The following CNTNAP2 variants were observed in gnomAD, a reference collection of about 807,000 sequenced individuals.
CNTNAP2 encodes contactin-associated protein-like 2.
CNTNAP2 carries 98 observed loss-of-function variants against 155.2 expected under a neutral mutation model. That is an observed-to-expected ratio of 0.63 (90% CI 0.54 to 0.75). CNTNAP2 has a LOEUF of 0.75. Among genes scored for constraint, CNTNAP2 ranks in the 30% least tolerant of loss-of-function variants. The pLI is 0.00. For synonymous variants in CNTNAP2, 651 were observed against 631.2 expected (o/e 1.03, Z -0.47); for missense variants, 1,727 against 1,688.1 (o/e 1.02, Z -0.40).
chr7:147,280,062 G>C (rs577642673), intron 8 of CNTNAP2, among the ~76,000 whole-genome samples: 2 of 151,986 alleles, frequency 1.3e-5, no homozygotes, highest in Non-Finnish European at 2.9e-5. Flanking sequence ...TACAAATGAT[G>C]TTTGTTTTCC....
At chr7:147,513,415 T>C (rs117635545) in intron 11 of CNTNAP2, among the ~76,000 whole-genome samples, 1 of 152,318 alleles carries the variant, frequency 6.6e-6, no homozygotes, top group East Asian at 1.9e-4. Flanking sequence ...TAGGTGGCCT[T>C]GGTAAAGCCA....
At chr7:146,690,173 G>A (rs1472247907) in intron 1 of CNTNAP2, among the ~76,000 whole-genome samples, 1 of 151,932 alleles carries the variant, frequency 6.6e-6, no homozygotes, top group African/African-American at 2.4e-5. Context: ...AATAATACCA[G>A]TCTTCCAACA....
chr7:147,378,834 A>G (rs968691774), intron 9 of CNTNAP2, among the ~76,000 whole-genome samples: 34 of 152,216 alleles, frequency 2.2e-4, no homozygotes, highest in African/African-American at 7.2e-4. Flanking sequence ...TTATTTCCTT[A>G]TCAACAATGA....
At position 146,351,191 on chromosome 7, in the gene CNTNAP2, T is replaced by TA. The variant is rs921257976; in HGVS notation, c.97+234226dup. Among the ~76,000 whole-genome samples, 38 of 151,298 alleles carry TA rather than the reference T, an allele frequency of 2.5e-4. No homozygotes were observed. The South Asian group carries it at 3.1e-3, about 12-fold the overall frequency. ...ACTTAAAGTATAATAATAATAAAAT[T>TA]AAAAAAAATTTTCATGTGAACAGAA... On this transcript the variant is annotated intron_variant, in intron 1 of 23. Coordinates refer to ENST00000361727, the MANE Select transcript of CNTNAP2 (RefSeq NM_014141.6).
At chr7:147,675,897 C>T (rs1445657619) in intron 13 of CNTNAP2, among the ~76,000 whole-genome samples, 3 of 151,980 alleles carry the variant, frequency 2.0e-5, no homozygotes, top group Non-Finnish European at 4.4e-5. Context: ...CTTTAGAGCA[C>T]AAGTTTCCCC....
At chr7:148,326,754 A>G (rs1797897041) in intron 21 of CNTNAP2, among the ~76,000 whole-genome samples, 1 of 151,892 alleles carries the variant, frequency 6.6e-6, no homozygotes, top group South Asian at 2.1e-4. Context: ...AGTCCCAGCT[A>G]CTCGGGAGGC....
chr7:147,993,075 A>T (rs557104895), intron 15 of CNTNAP2, among the ~76,000 whole-genome samples: 85 of 152,322 alleles, frequency 5.6e-4, no homozygotes, highest in African/African-American at 1.9e-3. Flanking sequence ...CATAGCTGAG[A>T]TGATAATGTA....
intron 1 of CNTNAP2, among the ~76,000 whole-genome samples, chr7:146,225,212 C>T (rs147821338): frequency 1.0e-3 from 158 of 152,140 alleles, no homozygotes; most frequent in African/African-American, 3.6e-3. Flanking sequence ...AAATATAACT[C>T]GAAACACTGA....
intron 1 of CNTNAP2, among the ~76,000 whole-genome samples, chr7:146,670,701 A>G (rs717171): frequency 0.81 from 122,929 of 151,974 alleles, 50,331 homozygotes; most frequent in South Asian, 0.91. Flanking sequence ...TCTCAATTAC[A>G]CAAGGAGACC....
At chr7:146,905,845 C>T (rs10225179) in intron 3 of CNTNAP2, among the ~76,000 whole-genome samples, 6,189 of 152,276 alleles carry the variant, frequency 0.041, 142 homozygotes, top group South Asian at 0.08. Flanking sequence ...CCAGCGTGAG[C>T]GATGCAGAAG....
rs559728312 is a variant in CNTNAP2, at chr7:147,355,205, G to T, written c.1499-40404G>T. On this transcript the variant is annotated intron_variant, in intron 9 of 23. Transcript: ENST00000361727. ...GACCAATGACTACTGGGTAAATAAT[G>T]AAACTAAGGCAGAAATAAATAAGTT... 1.4e-4 allele frequency among the ~76,000 whole-genome samples: 22 copies of T among 152,134 alleles called. No homozygotes were observed. The South Asian group carries it at 4.6e-3, about 32-fold the overall frequency.
intron 12 of CNTNAP2, among the ~76,000 whole-genome samples, chr7:147,563,991 A>G (rs949448316): frequency 2.6e-5 from 4 of 152,096 alleles, no homozygotes; most frequent in Non-Finnish European, 5.9e-5. Flanking sequence ...AGAAGATAAT[A>G]AAATGGAAGC....
intron 1 of CNTNAP2, among the ~76,000 whole-genome samples, chr7:146,342,243 C>G (rs10249269): frequency 0.12 from 18,268 of 152,058 alleles, 2,050 homozygotes; most frequent in African/African-American, 0.3. Context: ...CAAATTGCTG[C>G]AGAAGTATTT....
At chr7:147,495,967 A>C (rs905773314) in intron 11 of CNTNAP2, among the ~76,000 whole-genome samples, 1 of 152,094 alleles carries the variant, frequency 6.6e-6, no homozygotes, top group African/African-American at 2.4e-5. Context: ...TCAGAGGAGC[A>C]CGAATGCTAT....
rs535774185 is a variant in CNTNAP2 at position 146,496,827 on chromosome 7, C to A, written c.98-277444C>A. 3.3e-5 allele frequency among the ~76,000 whole-genome samples: 5 copies of A among 152,316 alleles called. No individual in the cohort carries two copies. In the South Asian group the frequency reaches 8.3e-4, roughly 25 times the overall value. On this transcript the variant is annotated intron_variant, in intron 1 of 23. Transcript: ENST00000361727. ...CAGGTATAACAAAAATGGAAGTCAG[C>A]AGTCTATCTTTAATTTTGTCACATC...
chr7:147,022,064 G>T (rs942905605), intron 3 of CNTNAP2, among the ~76,000 whole-genome samples: 2 of 151,276 alleles, frequency 1.3e-5, no homozygotes, highest in African/African-American at 4.9e-5. Flanking sequence ...GGCCACTTTA[G>T]CTGTCCTGTA....
chr7:147,619,185 A>C (rs911098296), intron 12 of CNTNAP2, among the ~76,000 whole-genome samples: 2 of 152,252 alleles, frequency 1.3e-5, no homozygotes, highest in Non-Finnish European at 2.9e-5. Context: ...GTATTTAAAA[A>C]GCATTAGTTA....
chr7:146,573,752 T>G (rs1239060397), intron 1 of CNTNAP2, among the ~76,000 whole-genome samples: 2 of 152,130 alleles, frequency 1.3e-5, no homozygotes, highest in Non-Finnish European at 2.9e-5. Context: ...TAGTGTCAAA[T>G]TTTTTGTGTG....
Position 146,729,712 on chromosome 7 carries a change from G to A in CNTNAP2, c.98-44559G>A, listed in dbSNP as rs557740695. On this transcript the variant is annotated intron_variant, in intron 1 of 23. Coordinates refer to ENST00000361727, the MANE Select transcript of CNTNAP2 (RefSeq NM_014141.6). ...CCCTGAGGTCCATTATACCAGTTTGGTTGTTCTTATCTCTTTATTGTTTAC... is the reference window on the plus strand; with the variant it reads ...CCCTGAGGTCCATTATACCAGTTTGATTGTTCTTATCTCTTTATTGTTTAC... 2.6e-5 allele frequency among the ~76,000 whole-genome samples: 4 copies of A among 152,034 alleles called. No homozygotes were observed. In the South Asian group the frequency reaches 6.2e-4, roughly 24 times the overall value.
Sources: gnomAD v4.1 joint callset for allele counts (sites outside exome capture counted in the v4.1 genomes callset) on GRCh38, gnomAD v4.1.1 for gene constraint, MANE v1.5 for transcripts, NCBI Gene and HGNC (gene_info 2026-07-23, HGNC 2026-07-21) for gene names.